PIK3C2G: variants seen among roughly 807,000 people sequenced by gnomAD.
The protein encoded by PIK3C2G is phosphatidylinositol-4-phosphate 3-kinase catalytic subunit type 2 gamma, also known as phosphatidylinositol 3-kinase C2 domain-containing subunit gamma.
In PIK3C2G, 168 loss-of-function variants were observed where a neutral mutation model predicts 181.1. The observed-to-expected ratio is 0.93, with a 90% CI of 0.82 to 1.05. PIK3C2G has a LOEUF of 1.05. PIK3C2G is among the 50% of genes least tolerant of loss of function. The pLI is 0.00. For synonymous variants in PIK3C2G, 573 were observed against 592.2 expected, an observed-to-expected ratio of 0.97 and a Z score of 0.47; for missense variants, 1,869 against 1,732.8, an observed-to-expected ratio of 1.08 and a Z score of -1.40.
chr12:18,692,861 T>C, the PIK3C2G span: 1 of 1,601,410 alleles, frequency 6.2e-7, no homozygotes, highest in Non-Finnish European at 8.5e-7. Context: ...ATGAACCTCC[T>C]GTACCAACTA....
chr12:18,597,440 T>C (rs1313158608), intron 30 of PIK3C2G, among the ~76,000 whole-genome samples: 1 of 152,078 alleles, frequency 6.6e-6, no homozygotes, highest in East Asian at 1.9e-4. Context: ...AAAATAATAA[T>C]ATAAAGCATT....
intron 31 of PIK3C2G, 26 bp downstream of exon 31, chr12:18,609,655 A>G (rs907528607): frequency 7.4e-7 from 1 of 1,356,476 alleles, no homozygotes; most frequent in South Asian, 1.3e-5. Context: ...ATAATAAGAA[A>G]CATGTAAGCC....
chr12:18,273,616 A>T (rs1455925965), intron 1 of PIK3C2G, among the ~76,000 whole-genome samples: 1 of 152,144 alleles, frequency 6.6e-6, no homozygotes, highest in Non-Finnish European at 1.5e-5. Context: ...GAAAGCTGAA[A>T]CTGGATCCCT....
At chr12:18,422,557 A>G (rs993721825) in intron 17 of PIK3C2G, among the ~76,000 whole-genome samples, 18 of 152,150 alleles carry the variant, frequency 1.2e-4, no homozygotes, top group African/African-American at 4.1e-4. Flanking sequence ...TAAGAGTCAA[A>G]TAAGACCCAG....
intron 31 of PIK3C2G, among the ~76,000 whole-genome samples, chr12:18,632,593 A>C (rs184205507): frequency 3.3e-4 from 51 of 152,298 alleles, no homozygotes; most frequent in African/African-American, 1.2e-3. Context: ...GCAGTCTCAC[A>C]ATTGGCTGTC....
At chr12:18,568,355 G>A (rs1186107872) in intron 29 of PIK3C2G, among the ~76,000 whole-genome samples, 1 of 151,542 alleles carries the variant, frequency 6.6e-6, no homozygotes, top group Non-Finnish European at 1.5e-5. Context: ...TGTTAGTCAG[G>A]GTTCTCTAGA....
At chr12:18,674,141 A>G in the PIK3C2G span, among the ~76,000 whole-genome samples, 1 of 152,224 alleles carries the variant, frequency 6.6e-6, no homozygotes, top group Non-Finnish European at 1.5e-5. Flanking sequence ...GGAAAAGCAT[A>G]TAGAAACACA....
intron 29 of PIK3C2G, among the ~76,000 whole-genome samples, chr12:18,577,692 A>C (rs1350220864): frequency 6.6e-6 from 1 of 152,162 alleles, no homozygotes. Flanking sequence ...AGAAGCTAAA[A>C]TTATAGATAT....
chr12:18,660,278 T>C, the PIK3C2G span, among the ~76,000 whole-genome samples: 1 of 152,110 alleles, frequency 6.6e-6, no homozygotes, highest in African/African-American at 2.4e-5. Context: ...GCAGGAGCCA[T>C]AAGGATACTG....
rs1026233181 is a variant in PIK3C2G, at chr12:18,601,750, C to T, written c.4087+7181C>T. ...CTATTCTAAAATTCATGTGATACAA[C>T]AACAAAAAACGTCCAAATAGCAAAG... is the stretch of plus-strand genomic sequence containing the variant. On this transcript the variant is annotated intron_variant, in intron 30 of 32. Coordinates refer to ENST00000538779, the MANE Select transcript of PIK3C2G (RefSeq NM_001288772.2). Among the ~76,000 whole-genome samples the T allele has an allele frequency of 3.3e-5, 5 of 152,082 alleles. No individual in the cohort carries two copies. In the East Asian group the frequency reaches 9.7e-4, roughly 29 times the overall value.
At chr12:18,401,077 C>T (rs746584454) in intron 16 of PIK3C2G, among the ~76,000 whole-genome samples, 1 of 152,100 alleles carries the variant, frequency 6.6e-6, no homozygotes, top group Non-Finnish European at 1.5e-5. Flanking sequence ...TTTTCACTCA[C>T]ATCTGACTCA....
At chr12:18,656,880 T>A in the PIK3C2G span, among the ~76,000 whole-genome samples, 1 of 152,142 alleles carries the variant, frequency 6.6e-6, no homozygotes, top group African/African-American at 2.4e-5. Context: ...AGAGTTAAAT[T>A]TCAGTAAGAG....
At chr12:18,427,960 C>T (rs556711184) in intron 18 of PIK3C2G, among the ~76,000 whole-genome samples, 12 of 152,132 alleles carry the variant, frequency 7.9e-5, no homozygotes, top group South Asian at 4.1e-4. Context: ...CAGGGTCACA[C>T]GTGTAGGTTT....
At chr12:18,693,604 A>C in the PIK3C2G span, 1 of 1,575,098 alleles carries the variant, frequency 6.3e-7, no homozygotes, top group Non-Finnish European at 8.7e-7. Flanking sequence ...TTGCTGAAGA[A>C]CGTGCACCGT....
At chr12:18,556,775 A>G (rs1237213433) in intron 26 of PIK3C2G, among the ~76,000 whole-genome samples, 1 of 152,200 alleles carries the variant, frequency 6.6e-6, no homozygotes, top group Non-Finnish European at 1.5e-5. Context: ...CTGTAAATTC[A>G]TAAGTGCAAA....
chr12:18,655,973 G>A, the PIK3C2G span, among the ~76,000 whole-genome samples: 2 of 152,102 alleles, frequency 1.3e-5, no homozygotes, highest in African/African-American at 2.4e-5. Flanking sequence ...TAGGTAAAAA[G>A]TAAGTAAATT....
At chr12:18,665,044 T>G in the PIK3C2G span, among the ~76,000 whole-genome samples, 5 of 147,464 alleles carry the variant, frequency 3.4e-5, no homozygotes, top group Non-Finnish European at 4.5e-5. Context: ...CATTAGGAAA[T>G]ATACCTAATG....
Position 18,313,985 on chromosome 12 carries a change from A to C in PIK3C2G, c.1058A>C (p.Lys353Thr), listed in dbSNP as rs377284533. 6.3e-7 allele frequency: 1 copy of C among 1,588,546 alleles called. No homozygotes were observed. Among genetic ancestry groups the C allele is most frequent in the South Asian group, 1.2e-5 (1 of 86,750 alleles). ...LQNDHCLGSHKMFQKDKSVIQ... is the reference protein window; with the variant it reads ...LQNDHCLGSHTMFQKDKSVIQ... ...AGCGACCACTGTTTGGGGAGCCACA[A>C]AATGTTTCAAAAAGATAAATCTGTT... Residue 353 changes from lysine to threonine, a missense_variant, in exon 6 of 33, where the codon AAA becomes ACA. Lys to Thr is a moderately conservative substitution (Grantham distance 78). Transcript: ENST00000538779.
chr12:18,474,031 A>T (rs1396369826), intron 18 of PIK3C2G, among the ~76,000 whole-genome samples: 1 of 152,170 alleles, frequency 6.6e-6, no homozygotes, highest in African/African-American at 2.4e-5. Context: ...TATTTATGAA[A>T]TCTGGAACAA....
Sources: allele counts gnomAD v4.1 joint callset (sites outside exome capture counted in the v4.1 genomes callset), GRCh38; gene constraint gnomAD v4.1.1; transcripts MANE v1.5; gene names NCBI Gene and HGNC (gene_info 2026-07-23, HGNC 2026-07-21).